The following PTPRT variants were observed in gnomAD, a reference collection of about 807,000 sequenced individuals.
The protein encoded by PTPRT is protein tyrosine phosphatase receptor type T, also known as receptor-type tyrosine-protein phosphatase T.
A neutral mutation model predicts 176.8 loss-of-function variants in PTPRT; 56 were observed. The ratio of observed to expected loss-of-function variants is 0.32; its 90% CI spans 0.26 to 0.40. The LOEUF (loss-of-function observed/expected upper bound fraction) is 0.40, where lower values mean the gene tolerates loss of function less well. Ranked by LOEUF, PTPRT falls within the 10% of genes least tolerant of loss-of-function variation. The probability of loss-of-function intolerance (pLI) is 1.00; values close to 1 mark genes in which losing one functional copy is unlikely to be tolerated. For missense variants in PTPRT, 1,540 were observed against 1,908.2 expected (o/e 0.81, Z 3.60); for synonymous variants, 783 against 739.0 (o/e 1.06, Z -0.96).
chr20:42,238,788 C>T (rs2056294951), intron 14 of PTPRT, among the ~76,000 whole-genome samples: 1 of 152,158 alleles, frequency 6.6e-6, no homozygotes. Context: ...ACAGCTCAAA[C>T]AGCTTTCAGG....
At chr20:42,609,077 T>C (rs1038016961) in intron 7 of PTPRT, among the ~76,000 whole-genome samples, 2 of 152,174 alleles carry the variant, frequency 1.3e-5, no homozygotes, top group Non-Finnish European at 1.5e-5. Flanking sequence ...AACACTTTTT[T>C]TTCTTTTCAT....
chr20:42,647,164 T>G (rs2074924986), intron 7 of PTPRT, among the ~76,000 whole-genome samples: 1 of 151,978 alleles, frequency 6.6e-6, no homozygotes, highest in African/African-American at 2.4e-5. Context: ...TCCAATGTGT[T>G]GGGATTACAG....
rs147499203 is a variant in PTPRT, at chr20:42,513,432, G to T, written c.1154-40870C>A. Among the ~76,000 whole-genome samples the T allele has an allele frequency of 6.9e-4, 105 of 152,162 alleles. 1 individual carries two copies. Among genetic ancestry groups the T allele is most frequent in the African/African-American group, 2.5e-3 (105 of 41,518 alleles). The stretch of plus-strand genomic sequence containing the variant: ...ACAGATTAACAAACATGAGAGAGTA[G>T]ACATTAAGTCCAGAAGTTCACTGTT... On this transcript the variant is annotated intron_variant, in intron 7 of 30. Transcript: ENST00000373187.
rs376693315 is a variant in PTPRT, at chr20:42,168,181, AGGAG to A, written c.2492-6643_2492-6640del. Among the ~76,000 whole-genome samples the A allele has an allele frequency of 2.0e-3, 304 of 152,218 alleles. 2 individuals carry two copies. Among genetic ancestry groups the A allele is most frequent in the African/African-American group, 6.8e-3 (283 of 41,542 alleles). On this transcript the variant is annotated intron_variant, in intron 16 of 30. Coordinates refer to ENST00000373187, the MANE Select transcript of PTPRT (RefSeq NM_007050.6). The stretch of plus-strand genomic sequence containing the variant: ...TAGACTGAGGAGGAGGAGGAGGAGG[AGGAG>A]GAAGAAGAAAGGTTGGTCTTGCTGT...
At chr20:43,056,218 G>T (rs1395598830) in intron 1 of PTPRT, among the ~76,000 whole-genome samples, 1 of 152,144 alleles carries the variant, frequency 6.6e-6, no homozygotes, top group Admixed American at 6.5e-5. Context: ...AAAGAATTGT[G>T]GTGTCCCTCT....
At chr20:42,574,227 C>G (rs1012511303) in intron 7 of PTPRT, among the ~76,000 whole-genome samples, 1 of 152,156 alleles carries the variant, frequency 6.6e-6, no homozygotes, top group Non-Finnish European at 1.5e-5. Context: ...ACCCGTGAGT[C>G]TGAACAAATT....
At chr20:42,248,152 A>T (rs1208006295) in intron 14 of PTPRT, among the ~76,000 whole-genome samples, 1 of 152,148 alleles carries the variant, frequency 6.6e-6, no homozygotes, top group Non-Finnish European at 1.5e-5. Flanking sequence ...GTGGGACAGG[A>T]CATAGTACAG....
chr20:42,306,265 G>A (rs2057543483), intron 12 of PTPRT, among the ~76,000 whole-genome samples: 1 of 152,212 alleles, frequency 6.6e-6, no homozygotes, highest in African/African-American at 2.4e-5. Flanking sequence ...AAGGAGAGAA[G>A]TCTGGGCCCC....
intron 6 of PTPRT, among the ~76,000 whole-genome samples, chr20:42,701,130 C>T (rs2075968271): frequency 6.6e-6 from 1 of 152,154 alleles, no homozygotes; most frequent in South Asian, 2.1e-4. Context: ...TTTTAAACCA[C>T]CGCAGAGTCA....
chr20:42,427,750 A>G (rs2059178897), intron 9 of PTPRT, among the ~76,000 whole-genome samples: 1 of 152,160 alleles, frequency 6.6e-6, no homozygotes, highest in South Asian at 2.1e-4. Flanking sequence ...GAAGATCCAC[A>G]AAAGAAGTAA....
chr20:42,968,912 G>A (rs1197516275), intron 1 of PTPRT: 1 of 152,234 alleles, frequency 6.6e-6, no homozygotes, highest in African/African-American at 2.4e-5. Flanking sequence ...GGACCCATCA[G>A]GCACTTAGAG....
At chr20:43,133,117 G>T (rs1289010456) in intron 1 of PTPRT, among the ~76,000 whole-genome samples, 3 of 152,128 alleles carry the variant, frequency 2.0e-5, no homozygotes, top group Non-Finnish European at 4.4e-5. Context: ...TCAATGGGGG[G>T]TTCTGGAAAT....
chr20:42,399,637 C>A (rs539227060), intron 9 of PTPRT, among the ~76,000 whole-genome samples: 2 of 152,292 alleles, frequency 1.3e-5, no homozygotes, highest in Non-Finnish European at 2.9e-5. Flanking sequence ...GTTTTGAAAT[C>A]TTTGCACTAA....
At chr20:42,303,928 T>C (rs1392177154) in intron 12 of PTPRT, among the ~76,000 whole-genome samples, 1 of 152,170 alleles carries the variant, frequency 6.6e-6, no homozygotes. Flanking sequence ...GATGAATGAA[T>C]CATTGCCTAC....
chr20:42,380,335 A>T (rs1332894253), intron 9 of PTPRT, among the ~76,000 whole-genome samples: 1 of 151,966 alleles, frequency 6.6e-6, no homozygotes, highest in African/African-American at 2.4e-5. Flanking sequence ...TGCATTAGGC[A>T]CTGACTGGTA....
At chr20:43,111,625 G>A (rs537520673) in intron 1 of PTPRT, among the ~76,000 whole-genome samples, 13 of 148,004 alleles carry the variant, frequency 8.8e-5, no homozygotes, top group Non-Finnish European at 1.6e-4. Context: ...TAAGGCTCTG[G>A]GTTCTAGGTT....
intron 1 of PTPRT, among the ~76,000 whole-genome samples, chr20:43,188,749 T>TGTGGG (rs1555845630): frequency 1.7e-5 from 1 of 58,240 alleles, no homozygotes; most frequent in East Asian, 5.3e-4. Context: ...CCGCTACTCT[T>TGTGGG]GGGGGGGGGG....
intron 1 of PTPRT, among the ~76,000 whole-genome samples, chr20:42,960,847 C>T (rs1035174461): frequency 6.6e-6 from 1 of 152,118 alleles, no homozygotes; most frequent in Non-Finnish European, 1.5e-5. Flanking sequence ...GGAGAATATA[C>T]CCAGACAGGT....
Position 42,840,585 on chromosome 20 carries a change from G to A in PTPRT, c.214+45222C>T, listed in dbSNP as rs1403515317. Among the ~76,000 whole-genome samples, 4 of 151,956 alleles carry A rather than the reference G, an allele frequency of 2.6e-5. No homozygotes were observed. In the East Asian group the frequency reaches 5.8e-4, roughly 22 times the overall value. ...GCACCACCAAGCTCAGCTAATTTTT[G>A]TAATTTTAGTAGAGACGGGGTTTCA... On this transcript the variant is annotated intron_variant, in intron 2 of 30. Coordinates refer to ENST00000373187, the MANE Select transcript of PTPRT (RefSeq NM_007050.6).
Sources: gnomAD v4.1 joint callset for allele counts (sites outside exome capture counted in the v4.1 genomes callset) on GRCh38, gnomAD v4.1.1 for gene constraint, MANE v1.5 for transcripts, NCBI Gene and HGNC (gene_info 2026-07-23, HGNC 2026-07-21) for gene names.